Variants in SNAP23 observed in about 807,000 individuals in gnomAD.
SNAP23 encodes the protein synaptosome associated protein 23.
SNAP23 carries 11 observed loss-of-function variants against 29.0 expected under a neutral mutation model. The ratio of observed to expected loss-of-function variants is 0.38; its 90% CI spans 0.24 to 0.63. SNAP23 has a LOEUF of 0.63. Ranked by LOEUF, SNAP23 falls within the 20% of genes least tolerant of loss-of-function variation. The pLI, the probability that SNAP23 is intolerant of heterozygous loss-of-function variation, is 0.58. For synonymous variants in SNAP23, 60 were observed against 82.9 expected (o/e 0.72, Z 1.50); for missense variants, 220 against 253.9 (o/e 0.87, Z 0.91).
intron 5 of SNAP23, among the ~76,000 whole-genome samples, chr15:42,527,605 C>T (rs1438009950): frequency 1.3e-5 from 2 of 151,830 alleles, no homozygotes; most frequent in Admixed American, 6.6e-5. Flanking sequence ...CAGTGGCTCA[C>T]GAGCCTGTAG....
intron 1 of SNAP23, among the ~76,000 whole-genome samples, chr15:42,497,161 C>G (rs1213008912): frequency 1.3e-5 from 2 of 150,200 alleles, no homozygotes; most frequent in African/African-American, 4.9e-5. Flanking sequence ...CCTCACACTC[C>G]TGAGTAGCTG....
Position 42,529,827 on chromosome 15 carries a change from C to T in SNAP23, c.570+8C>T. The T allele has an allele frequency of 6.2e-7, 1 of 1,609,366 alleles. No homozygotes were observed. Among genetic ancestry groups the T allele is most frequent in the Non-Finnish European group, 8.5e-7 (1 of 1,178,812 alleles). On this transcript the variant is annotated splice_region_variant and intron_variant, in intron 7 of 7. Coordinates refer to ENST00000249647, the MANE Select transcript of SNAP23 (RefSeq NM_003825.4). ...AAACGAATCACAGACAAGGTAAAAG[C>T]TTTTTATTGCCACAAGAAAATGAGA...
intron 1 of SNAP23, among the ~76,000 whole-genome samples, chr15:42,501,460 C>G (rs933057866): frequency 6.6e-6 from 1 of 152,172 alleles, no homozygotes; most frequent in Non-Finnish European, 1.5e-5. Flanking sequence ...GGTGCAATGG[C>G]ATGATCATAG....
chr15:42,514,002 AC>A (rs1023260361), intron 4 of SNAP23, among the ~76,000 whole-genome samples: 7 of 89,506 alleles, frequency 7.8e-5, no homozygotes, highest in Non-Finnish European at 2.4e-4. Context: ...TTTAGTAGAG[AC>A]GGGGTTTTAC....
chr15:42,494,506 CTTTCT>C (rs1243714690), upstream of SNAP23, among the ~76,000 whole-genome samples: 12 of 77,256 alleles, frequency 1.6e-4, no homozygotes, highest in African/African-American at 3.6e-4. Flanking sequence ...GCTATTTTTT[CTTTCT>C]TTTTTTTTTT....
In SNAP23 at chr15:42,515,210, A is replaced by G. The variant is rs769541376; in HGVS notation, c.149-27A>G. 24 of 1,403,934 alleles carry G rather than the reference A, an allele frequency of 1.7e-5. No individual in the cohort carries two copies. In the South Asian group the frequency reaches 1.8e-4, roughly 11 times the overall value. The allele number at this position is 1,403,934 out of a possible 1,614,324, so 87.0% of individuals were successfully genotyped here. ...GGTTGACACTGTGAATGGAACACAA[A>G]GTGTTAACTTCACAACTTATTCTTA... is the stretch of plus-strand genomic sequence containing the variant. On this transcript the variant is annotated intron_variant, in intron 4 of 7. Transcript: ENST00000249647.
Position 42,515,249 on chromosome 15 carries a change from G to A in SNAP23, c.161G>A (p.Arg54His), listed in dbSNP as rs1378865436. 21 of 1,598,492 alleles carry A rather than the reference G, an allele frequency of 1.3e-5. No homozygotes were observed. Among genetic ancestry groups the A allele is most frequent in the East Asian group, 4.5e-5 (2 of 44,450 alleles). Residue 54 changes from arginine (R) to histidine (H), a missense_variant, in exon 5 of 8, where the codon CGC becomes CAC. Arg to His is a conservative substitution (Grantham distance 29). Transcript: ENST00000249647. The part of the protein sequence containing the change: ...MLDEQKEQLN[R>H]IEEGLDQINK... The stretch of plus-strand genomic sequence containing the variant: ...AACTTATTCTTAGAACAACTAAACC[G>A]CATAGAAGAAGGCTTGGACCAAATA...
At chr15:42,495,077 A>T (rs1293361861), upstream of SNAP23, among the ~76,000 whole-genome samples, 4 of 152,130 alleles carry the variant, frequency 2.6e-5, no homozygotes, top group Non-Finnish European at 5.9e-5. Flanking sequence ...AACTACTAGA[A>T]ATTTCCAGAA....
chr15:42,495,450 G>A (rs1203114792), upstream of SNAP23: 3 of 152,240 alleles, frequency 2.0e-5, no homozygotes. Context: ...AATGTTTATT[G>A]CATGAACACC....
At chr15:42,517,927 T>C (rs535563880) in intron 5 of SNAP23, among the ~76,000 whole-genome samples, 4 of 152,112 alleles carry the variant, frequency 2.6e-5, no homozygotes, top group African/African-American at 9.6e-5. Flanking sequence ...TGCCCAGGCT[T>C]GTATCAAACT....
At chr15:42,522,460 C>G (rs1376351235) in intron 5 of SNAP23, among the ~76,000 whole-genome samples, 2 of 151,930 alleles carry the variant, frequency 1.3e-5, no homozygotes, top group Non-Finnish European at 2.9e-5. Context: ...AAGTTTAGAT[C>G]TTTATGAGAA....
At chr15:42,501,911 G>C (rs949151792) in intron 1 of SNAP23, among the ~76,000 whole-genome samples, 5 of 151,960 alleles carry the variant, frequency 3.3e-5, no homozygotes, top group Non-Finnish European at 5.9e-5. Context: ...AAACCATTAT[G>C]CCTTCAGATA....
Position 42,527,068 on chromosome 15 carries a change from C to A in SNAP23, c.267-1194C>A, listed in dbSNP as rs376554168. 5.3e-5 allele frequency among the ~76,000 whole-genome samples: 8 copies of A among 152,198 alleles called. No homozygotes were observed. The South Asian group carries it at 1.5e-3, about 28-fold the overall frequency. On this transcript the variant is annotated intron_variant, in intron 5 of 7. Transcript: ENST00000249647. ...GCCCAGGCTGGTCTTGAACTCCTGACCTCAGGTGATCCACCCACCTTGGCC... is the reference window on the plus strand; with the variant it reads ...GCCCAGGCTGGTCTTGAACTCCTGAACTCAGGTGATCCACCCACCTTGGCC...
chr15:42,508,387 C>A (rs1395392267), intron 1 of SNAP23, among the ~76,000 whole-genome samples: 2 of 152,142 alleles, frequency 1.3e-5, no homozygotes, highest in Non-Finnish European at 2.9e-5. Context: ...TATCCACAGG[C>A]AGTACTGAAT....
At chr15:42,523,878 A>G (rs1029223889) in intron 5 of SNAP23, among the ~76,000 whole-genome samples, 3 of 152,104 alleles carry the variant, frequency 2.0e-5, no homozygotes, top group African/African-American at 7.2e-5. Flanking sequence ...GTACAGTGGC[A>G]TGATCTCAGC....
intron 5 of SNAP23, among the ~76,000 whole-genome samples, chr15:42,520,045 CTTTTTTTTTTT>C (rs201577060): frequency 1.2e-4 from 11 of 92,952 alleles, no homozygotes; most frequent in Non-Finnish European, 1.6e-4. Flanking sequence ...AACCCCCTTG[CTTTTTTTTTTT>C]TTTTTTTTTT....
chr15:42,523,974 G>C (rs568016221), intron 5 of SNAP23, among the ~76,000 whole-genome samples: 50 of 152,080 alleles, frequency 3.3e-4, no homozygotes, highest in African/African-American at 1.2e-3. Flanking sequence ...CTGCCACTGC[G>C]CCTGGCTAAT....
At chr15:42,518,532 G>A (rs1253290835) in intron 5 of SNAP23, among the ~76,000 whole-genome samples, 1 of 147,552 alleles carries the variant, frequency 6.8e-6, no homozygotes, top group Non-Finnish European at 1.5e-5. Context: ...CTATCCTCCA[G>A]CGTCAGCCTC....
At chr15:42,513,542 C>A in intron 4 of SNAP23, 95 bp downstream of exon 4, 1 of 924,714 alleles carries the variant, frequency 1.1e-6, no homozygotes, top group Non-Finnish European at 1.8e-6. Context: ...TTTGGGAGAG[C>A]CTTCCCTTTG....
Sources: gnomAD v4.1 joint callset for allele counts (sites outside exome capture counted in the v4.1 genomes callset) on GRCh38, gnomAD v4.1.1 for gene constraint, MANE v1.5 for transcripts, NCBI Gene and HGNC (gene_info 2026-07-23, HGNC 2026-07-21) for gene names.